Variants in PCDHGA2 observed in about 807,000 individuals in gnomAD.
The protein encoded by PCDHGA2 is protocadherin gamma-A2.
PCDHGA2 carries 40 observed loss-of-function variants against 59.2 expected under a neutral mutation model. That is an observed-to-expected ratio of 0.68 (90% CI 0.52 to 0.88). PCDHGA2 has a LOEUF of 0.88. Among genes scored for constraint, PCDHGA2 ranks in the 40% least tolerant of loss-of-function variants. The pLI, the probability that PCDHGA2 is intolerant of heterozygous loss-of-function variation, is 0.00. For missense variants in PCDHGA2, 1,226 were observed against 1,204.0 expected, an observed-to-expected ratio of 1.02 and a Z score of -0.27; for synonymous variants, 560 against 526.0, an observed-to-expected ratio of 1.06 and a Z score of -0.89.
At position 141,350,960 on chromosome 5, in the gene PCDHGA2, G is replaced by A. The variant is rs749442250; in HGVS notation, c.2424+9565G>A. The A allele has an allele frequency of 3.0e-5, 49 of 1,613,968 alleles. 1 individual carries two copies. Among genetic ancestry groups the A allele is most frequent in the Non-Finnish European group, 3.5e-5 (41 of 1,179,920 alleles). ...CTGGATCCGAGTTACGGATGCCAAT[G>A]ATAATGCTCCCGTGTTTAGCCAGGA... On this transcript the variant is annotated intron_variant, in intron 1 of 3. Coordinates refer to ENST00000394576, the MANE Select transcript of PCDHGA2 (RefSeq NM_018915.4).
At chr5:141,346,418 G>A (rs1757749760) in intron 1 of PCDHGA2, 4 of 1,614,216 alleles carry the variant, frequency 2.5e-6, no homozygotes, top group Middle Eastern at 1.6e-4. Context: ...TGATAACTCA[G>A]GATTTACTTG....
intron 1 of PCDHGA2, chr5:141,398,636 A>G (rs770681129): frequency 6.2e-7 from 1 of 1,614,074 alleles, no homozygotes; most frequent in Non-Finnish European, 8.5e-7. Context: ...CTGCAGAAGT[A>G]TAAACTCTCT....
chr5:141,427,146 A>G (rs901147622), intron 1 of PCDHGA2: 10 of 456,872 alleles, frequency 2.2e-5, no homozygotes, highest in Admixed American at 7.0e-5. Context: ...TGATATTGGA[A>G]ATATGTTTGT....
chr5:141,494,745 G>C, intron 1 of PCDHGA2, 62 bp from the exon 2 acceptor site: 1 of 1,612,802 alleles, frequency 6.2e-7, no homozygotes, highest in Middle Eastern at 1.7e-4. Flanking sequence ...ATCCCTAGGG[G>C]CTCGGGTGAC....
At position 141,485,260 on chromosome 5, in the gene PCDHGA2, G is replaced by A. The variant is rs773919574; in HGVS notation, c.2425-9547G>A. On this transcript the variant is annotated intron_variant, in intron 1 of 3. Transcript: ENST00000394576. This position sits in a 1 kb window ranked among gnomAD's most constrained non-coding sequence, Gnocchi z 5.7. ...TTTACCACCTGGGTTACGTTTGTGG[G>A]CAGATCCGCTACCCGGTCCCAGAGG... The A allele has an allele frequency of 8.7e-6, 14 of 1,614,002 alleles. No individual in the cohort carries two copies. In the African/African-American group the frequency reaches 1.5e-4, roughly 17 times the overall value.
At chr5:141,435,644 T>A (rs913195454) in intron 1 of PCDHGA2, among the ~76,000 whole-genome samples, 1 of 152,170 alleles carries the variant, frequency 6.6e-6, no homozygotes, top group Non-Finnish European at 1.5e-5. Flanking sequence ...TGGGAAAATT[T>A]CTGAAACGTG....
chr5:141,487,709 A>G lies in PCDHGA2; in HGVS notation c.2425-7098A>G. On this transcript the variant is annotated intron_variant, in intron 1 of 3. Coordinates refer to ENST00000394576, the MANE Select transcript of PCDHGA2 (RefSeq NM_018915.4). This position sits in a 1 kb window ranked among gnomAD's most constrained non-coding sequence, Gnocchi z 5.0. ...CCTAGAGAGTACTGGCCTCTCAGTA[A>G]GTGCCCATAGTGATGTCACCATTTT... is the stretch of plus-strand genomic sequence containing the variant. 6.3e-7 allele frequency: 1 copy of G among 1,586,184 alleles called. No individual in the cohort carries two copies. Among genetic ancestry groups the G allele is most frequent in the South Asian group, 1.1e-5 (1 of 87,958 alleles).
At chr5:141,359,309 G>A (rs936588193) in intron 1 of PCDHGA2, among the ~76,000 whole-genome samples, 1 of 152,076 alleles carries the variant, frequency 6.6e-6, no homozygotes, top group African/African-American at 2.4e-5. Context: ...ATATTCAGGT[G>A]TTGGCATTAG....
At chr5:141,414,239 C>T in intron 1 of PCDHGA2, 1 of 1,613,498 alleles carries the variant, frequency 6.2e-7, no homozygotes, top group Non-Finnish European at 8.5e-7. Context: ...ACCATCACGT[C>T]TCTATTTAGT....
At chr5:141,345,627 G>T (rs1471219094) in intron 1 of PCDHGA2, 2 of 1,614,070 alleles carry the variant, frequency 1.2e-6, no homozygotes, top group African/African-American at 1.3e-5. Flanking sequence ...AAAGCTACTG[G>T]TGACAGCCAG....
At chr5:141,471,302 C>T (rs111827070) in intron 1 of PCDHGA2, 9,302 of 152,168 alleles carry the variant, frequency 0.061, 339 homozygotes, top group South Asian at 0.12. Flanking sequence ...CCACCCAACT[C>T]GGCCTCCCAA....
At chr5:141,484,468 C>T (rs2099596877) in intron 1 of PCDHGA2, among the ~76,000 whole-genome samples, 1 of 152,200 alleles carries the variant, frequency 6.6e-6, no homozygotes, top group South Asian at 2.1e-4. Context: ...ATGTGTAAGC[C>T]TTTTCTGCAA....
At chr5:141,346,273 G>A (rs202194695) in intron 1 of PCDHGA2, 6 of 1,614,164 alleles carry the variant, frequency 3.7e-6, no homozygotes, top group Middle Eastern at 1.7e-4. Context: ...GACGGGGTTC[G>A]GGCTTTCCTG....
At chr5:141,353,106 T>A (rs1273542559) in intron 1 of PCDHGA2, among the ~76,000 whole-genome samples, 1 of 152,186 alleles carries the variant, frequency 6.6e-6, no homozygotes, top group Non-Finnish European at 1.5e-5. Context: ...ACTAGATAGA[T>A]GGAGATTGCT....
chr5:141,403,582 G>A (rs973617374), intron 1 of PCDHGA2: 1 of 1,613,910 alleles, frequency 6.2e-7, no homozygotes, highest in Non-Finnish European at 8.5e-7. Flanking sequence ...CCCACCACCT[G>A]GTCCTCACGG....
chr5:141,510,986 G>A lies in PCDHGA2; in HGVS notation c.2612G>A (p.Gly871Asp), dbSNP rs754203270. The A allele has an allele frequency of 6.2e-7, 1 of 1,614,166 alleles. No individual in the cohort carries two copies. The highest frequency in any genetic ancestry group is 8.5e-7 in the Non-Finnish European group (1 of 1,180,012). The change falls in exon 4 of 4, where the codon GGC becomes GAC. Residue 871 changes from glycine to aspartate, a missense_variant. Physicochemically the swap from Gly to Asp is moderately conservative, Grantham distance 94. Transcript: ENST00000394576. ...DGSSTLGGGA[G>D]TMGLSARYGP... ...AGCTCCACCCTGGGAGGGGGTGCCG[G>A]CACCATGGGATTGAGCGCCCGCTAC... is the stretch of plus-strand genomic sequence containing the variant.
At position 141,356,874 on chromosome 5, in the gene PCDHGA2, T is replaced by TGTCCCTGAGATCCTGTACCCCACC. The variant is rs1482274371; in HGVS notation, c.2424+15480_2424+15503dup. Reference sequence around the variant, plus strand: ...TCTTTGTGCTGGACCAGAACGACAATGTCCCTGAGATCCTGTACCCCACCT... The same window carrying TGTCCCTGAGATCCTGTACCCCACC: ...TCTTTGTGCTGGACCAGAACGACAATGTCCCTGAGATCCTGTACCCCACCGTCCCTGAGATCCTGTACCCCACCT... On this transcript the variant is annotated intron_variant, in intron 1 of 3. Coordinates refer to ENST00000394576, the MANE Select transcript of PCDHGA2 (RefSeq NM_018915.4). The TGTCCCTGAGATCCTGTACCCCACC allele has an allele frequency of 1.9e-6, 3 of 1,614,078 alleles. No individual in the cohort carries two copies. The African/African-American group carries it at 4.0e-5, about 22-fold the overall frequency.
chr5:141,352,989 AAAAC>A (rs950182337), intron 1 of PCDHGA2, among the ~76,000 whole-genome samples: 9 of 152,344 alleles, frequency 5.9e-5, no homozygotes, highest in South Asian at 2.1e-4. Flanking sequence ...ACTGTCTAAA[AAAAC>A]AAACAAACAA....
chr5:141,372,158 G>C, intron 1 of PCDHGA2: 2 of 1,613,800 alleles, frequency 1.2e-6, no homozygotes, highest in Non-Finnish European at 1.7e-6. Context: ...GCTACCTGGT[G>C]ACCAAGGTGG....
Sources: allele counts gnomAD v4.1 joint callset (sites outside exome capture counted in the v4.1 genomes callset), GRCh38; gene constraint gnomAD v4.1.1; non-coding constraint Gnocchi (gnomAD v3.1); transcripts MANE v1.5; gene names NCBI Gene and HGNC (gene_info 2026-07-23, HGNC 2026-07-21).